GNAL: variants seen among roughly 807,000 people sequenced by gnomAD.
GNAL encodes the protein G protein subunit alpha L, also known as guanine nucleotide-binding protein G(olf) subunit alpha.
In GNAL, 18 loss-of-function variants were observed where a neutral mutation model predicts 55.1. The ratio of observed to expected loss-of-function variants is 0.33; its 90% CI spans 0.23 to 0.48. The LOEUF is 0.48. GNAL is among the 20% of genes least tolerant of loss of function. GNAL has a pLI of 0.99. For synonymous variants in GNAL, 253 were observed against 237.0 expected (o/e 1.07, Z -0.62); for missense variants, 412 against 614.1 (o/e 0.67, Z 3.48).
chr18:11,784,720 A>G (rs1351386578), intron 4 of GNAL, among the ~76,000 whole-genome samples: 1 of 152,204 alleles, frequency 6.6e-6, no homozygotes, highest in Non-Finnish European at 1.5e-5. Flanking sequence ...TCTGAGTAAA[A>G]GAAATGGAGA....
intron 4 of GNAL, among the ~76,000 whole-genome samples, chr18:11,823,919 G>A (rs988647374): frequency 4.6e-5 from 7 of 152,134 alleles, no homozygotes; most frequent in African/African-American, 1.7e-4. Context: ...CTCATAAGCC[G>A]TTCATTTACT....
chr18:11,755,884 A>G (rs2143132158), intron 4 of GNAL, among the ~76,000 whole-genome samples: 1 of 152,294 alleles, frequency 6.6e-6, no homozygotes, highest in Middle Eastern at 3.4e-3. Flanking sequence ...TACACTGGCA[A>G]AATCACCCAG....
Position 11,753,463 on chromosome 18 carries a change from T to C in GNAL, c.450-165T>C, listed in dbSNP as rs11876935. The C allele has an allele frequency of 0.16, 88,669 of 565,854 alleles. 8,008 individuals carry two copies. Among genetic ancestry groups the C allele is most frequent in the East Asian group, 0.25 (8,675 of 34,298 alleles). The allele number at this position is 565,854 out of a possible 1,614,324, so 35.1% of individuals were successfully genotyped here. A position where few individuals can be genotyped will look rare whatever the true frequency, so the allele number is the denominator to read the frequency against. ...GTACAAATTAGAAAAGAAGGGTGCT[T>C]TCCTTTCCCAGATAAAACCTTTGCG... On this transcript the variant is annotated intron_variant, in intron 2 of 11. Coordinates refer to ENST00000334049, the MANE Select transcript of GNAL (RefSeq NM_182978.4).
chr18:11,736,182 G>T (rs1334765241), intron 1 of GNAL, among the ~76,000 whole-genome samples: 3 of 152,070 alleles, frequency 2.0e-5, no homozygotes, highest in Non-Finnish European at 4.4e-5. Context: ...ATTGCTTGAG[G>T]CCAGGAGTTC....
Position 11,882,387 on chromosome 18 carries a change from T to TAAGA in GNAL, c.*1253_*1256dup, listed in dbSNP as rs1476651771. 1 of 151,940 alleles carries TAAGA rather than the reference T, an allele frequency of 6.6e-6. No individual in the cohort carries two copies. Among genetic ancestry groups the TAAGA allele is most frequent in the Non-Finnish European group, 1.5e-5 (1 of 68,006 alleles). The allele number at this position is 151,940 out of a possible 1,614,324, so 9.4% of individuals were successfully genotyped here. A position where few individuals can be genotyped will look rare whatever the true frequency, so the allele number is the denominator to read the frequency against. On this transcript the variant is annotated 3_prime_UTR_variant, in exon 12 of 12. Coordinates refer to ENST00000334049, the MANE Select transcript of GNAL (RefSeq NM_182978.4). ...CTACGTCATACAAGTAAGCAAACAG[T>TAAGA]AAGAGAAAAACAAAATGTGGCCAGG...
chr18:11,792,255 A>T (rs1454365111), intron 4 of GNAL, among the ~76,000 whole-genome samples: 1 of 151,736 alleles, frequency 6.6e-6, no homozygotes, highest in Non-Finnish European at 1.5e-5. Context: ...GTGCAATCTC[A>T]GCTTACTGCA....
At chr18:11,749,289 T>A (rs1186138421) in intron 1 of GNAL, among the ~76,000 whole-genome samples, 1 of 152,214 alleles carries the variant, frequency 6.6e-6, no homozygotes, top group Non-Finnish European at 1.5e-5. Context: ...GAACTTCAAC[T>A]TTTAGCCTAG....
intron 5 of GNAL, among the ~76,000 whole-genome samples, chr18:11,844,491 C>T (rs1476128080): frequency 6.6e-6 from 1 of 152,180 alleles, no homozygotes; most frequent in Non-Finnish European, 1.5e-5. Context: ...CAGTGCTCTC[C>T]ATTCTGTGGC....
chr18:11,824,007 T>C (rs1389726414), intron 4 of GNAL, among the ~76,000 whole-genome samples: 1 of 152,188 alleles, frequency 6.6e-6, no homozygotes, highest in African/African-American at 2.4e-5. Flanking sequence ...AGTGACCTCA[T>C]GGCTCTGGAA....
intron 1 of GNAL, among the ~76,000 whole-genome samples, chr18:11,696,890 G>A (rs1223898367): frequency 2.0e-5 from 3 of 152,238 alleles, no homozygotes; most frequent in Admixed American, 6.5e-5. Context: ...ACTAAAAGAT[G>A]CAGAGGGGCG....
intron 1 of GNAL, among the ~76,000 whole-genome samples, chr18:11,715,087 G>A (rs1313542920): frequency 1.3e-5 from 2 of 152,004 alleles, no homozygotes; most frequent in Non-Finnish European, 2.9e-5. Flanking sequence ...CAAGGCTGCA[G>A]TGAGCCATGA....
chr18:11,857,452 AGGGGAGACTGGACAGACTGCAAAGGGC>A, intron 5 of GNAL: 4 of 983,124 alleles, frequency 4.1e-6, no homozygotes, highest in Non-Finnish European at 4.8e-6. Flanking sequence ...AAGAGACTGA[AGGGGAGACTGGACAGACTGCAAAGGGC>A]TGGAGGCCAC....
At chr18:11,785,298 A>G (rs2034026515) in intron 4 of GNAL, among the ~76,000 whole-genome samples, 2 of 152,174 alleles carry the variant, frequency 1.3e-5, no homozygotes, top group South Asian at 4.1e-4. Context: ...CCATGATATC[A>G]TCCTTTAGGG....
chr18:11,856,198 A>C (rs1358071084), intron 5 of GNAL, among the ~76,000 whole-genome samples: 6 of 151,350 alleles, frequency 4.0e-5, no homozygotes, highest in Non-Finnish European at 7.3e-5. Flanking sequence ...TGATGAGCAG[A>C]CCCCTGTTTT....
chr18:11,858,203 A>G (rs950007787), intron 5 of GNAL, among the ~76,000 whole-genome samples: 2 of 152,224 alleles, frequency 1.3e-5, no homozygotes, highest in Non-Finnish European at 2.9e-5. Context: ...GGGGATCTAA[A>G]TGAAAATGAA....
At chr18:11,879,414 G>A (rs551360892) in intron 11 of GNAL, among the ~76,000 whole-genome samples, 1 of 152,200 alleles carries the variant, frequency 6.6e-6, no homozygotes, top group South Asian at 2.1e-4. Flanking sequence ...CCATAACAAA[G>A]TGCCGCAGAG....
chr18:11,829,874 G>A (rs1018445921), intron 5 of GNAL, among the ~76,000 whole-genome samples: 6 of 152,158 alleles, frequency 3.9e-5, no homozygotes, highest in African/African-American at 1.2e-4. Flanking sequence ...GCTGGGCATG[G>A]TGGCACACAC....
At chr18:11,757,654 A>ACTAT (rs764894840) in intron 4 of GNAL, among the ~76,000 whole-genome samples, 62 of 152,176 alleles carry the variant, frequency 4.1e-4, no homozygotes, top group Non-Finnish European at 7.5e-4. Context: ...TCTGCATAGA[A>ACTAT]GGTAGAAACA....
At chr18:11,830,374 C>T (rs541009821) in intron 5 of GNAL, among the ~76,000 whole-genome samples, 13 of 151,388 alleles carry the variant, frequency 8.6e-5, no homozygotes, top group African/African-American at 2.9e-4. Context: ...ACAACCTCCA[C>T]CTCCCGGGTT....
Sources: allele counts gnomAD v4.1 joint callset (sites outside exome capture counted in the v4.1 genomes callset), GRCh38; gene constraint gnomAD v4.1.1; transcripts MANE v1.5; gene names NCBI Gene and HGNC (gene_info 2026-07-23, HGNC 2026-07-21).